The following PDZD2 variants were observed in gnomAD, a reference collection of about 807,000 sequenced individuals.
The protein encoded by PDZD2 is PDZ domain containing 2.
PDZD2 carries 90 observed loss-of-function variants against 220.7 expected under a neutral mutation model. The observed-to-expected ratio is 0.41, with a 90% confidence interval of 0.34 to 0.49. The LOEUF (loss-of-function observed/expected upper bound fraction) is 0.49, where lower values mean the gene tolerates loss of function less well. Ranked by LOEUF, PDZD2 falls within the 20% of genes least tolerant of loss-of-function variation. The pLI, the probability that PDZD2 is intolerant of heterozygous loss-of-function variation, is 0.28. For synonymous variants in PDZD2, 1,375 were observed against 1,450.5 expected, an observed-to-expected ratio of 0.95 and a Z score of 1.18; for missense variants, 3,174 against 3,608.5, an observed-to-expected ratio of 0.88 and a Z score of 3.08.
In PDZD2 at chr5:32,089,857, G is replaced by C. The variant is rs376588745; in HGVS notation, c.6409G>C (p.Ala2137Pro). ...KSEIRLYRQV[A>P]ESSTSHPSSL... ...TGAAATCAGGCTCTATCGCCAGGTC[G>C]CAGAATCATCCACAAGTCATCCATC... The change falls in exon 20 of 25, where the codon GCA (alanine) becomes CCA (proline). Residue 2137 changes from alanine (A) to proline (P), a missense_variant. Ala to Pro is a conservative substitution (Grantham distance 27). Transcript: ENST00000438447. 2 of 1,612,976 alleles carry C rather than the reference G, an allele frequency of 1.2e-6. No individual in the cohort carries two copies. Among genetic ancestry groups the C allele is most frequent in the African/African-American group, 2.7e-5 (2 of 75,048 alleles).
intron 1 of PDZD2, among the ~76,000 whole-genome samples, chr5:31,755,191 A>G (rs1421412835): frequency 7.4e-6 from 1 of 134,352 alleles, no homozygotes; most frequent in Non-Finnish European, 1.6e-5. Context: ...CTGGTTCCCC[A>G]CCGATGACAA....
At position 31,799,241 on chromosome 5, in the gene PDZD2, T is replaced by C. The variant is rs1271558344; in HGVS notation, c.-8T>C. 6.4e-7 allele frequency: 1 copy of C among 1,566,306 alleles called. No individual in the cohort carries two copies. Among genetic ancestry groups the C allele is most frequent in the Non-Finnish European group, 8.7e-7 (1 of 1,149,020 alleles). ...CTCTGATGATGCTGGTGTCTGGGAGTGAGCACCATGCCCATCACCCAGGAC... is the reference window on the plus strand; with the variant it reads ...CTCTGATGATGCTGGTGTCTGGGAGCGAGCACCATGCCCATCACCCAGGAC... On this transcript the variant is annotated 5_prime_UTR_variant, in exon 2 of 25. It removes the in-frame stop codon of an upstream open reading frame in the 5' UTR. Transcript: ENST00000438447.
intron 1 of PDZD2, among the ~76,000 whole-genome samples, chr5:31,696,427 C>A (rs533144562): frequency 2.8e-4 from 42 of 152,112 alleles, no homozygotes; most frequent in African/African-American, 9.2e-4. Flanking sequence ...GCCTCTTCAG[C>A]TGGGACTACA....
chr5:31,868,307 T>C, intron 2 of PDZD2, among the ~76,000 whole-genome samples: 1 of 152,134 alleles, frequency 6.6e-6, no homozygotes, highest in South Asian at 2.1e-4. Context: ...TAGCTGGGTG[T>C]GCTGGCGTGT....
intron 1 of PDZD2, among the ~76,000 whole-genome samples, chr5:31,777,561 A>G (rs890509714): frequency 1.1e-4 from 16 of 152,252 alleles, no homozygotes; most frequent in Non-Finnish European, 7.3e-5. Context: ...GGGATCCACT[A>G]GATGAAGCCA....
chr5:31,971,283 C>G (rs1193401263), intron 2 of PDZD2, among the ~76,000 whole-genome samples: 1 of 152,226 alleles, frequency 6.6e-6, no homozygotes, highest in Non-Finnish European at 1.5e-5. Context: ...CCTTGTTGCT[C>G]CATCCTCCAG....
At chr5:32,056,602 T>C (rs1411976511) in intron 10 of PDZD2, among the ~76,000 whole-genome samples, 1 of 152,156 alleles carries the variant, frequency 6.6e-6, no homozygotes, top group Non-Finnish European at 1.5e-5. Flanking sequence ...GCAGACGCTA[T>C]CAACAGCTTG....
Position 32,087,529 on chromosome 5 carries a change from G to C in PDZD2, c.4081G>C (p.Ala1361Pro), listed in dbSNP as rs749431984. The change falls in exon 20 of 25, where the codon GCT (alanine) becomes CCT (proline). Residue 1361 changes from alanine (A) to proline (P), a missense_variant. Ala to Pro is a conservative substitution (Grantham distance 27). Coordinates refer to ENST00000438447, the MANE Select transcript of PDZD2 (RefSeq NM_178140.4). The surrounding 1 kb of genome is among the most constrained non-coding windows in gnomAD (Gnocchi z 4.0). Reference protein sequence around the residue: ...RQGAPGNHSKALEMTGIHAPE... With the variant: ...RQGAPGNHSKPLEMTGIHAPE... ...GGGAGCTCCAGGTAACCACAGTAAG[G>C]CTCTGGAAATGACAGGAATCCATGC... The C allele has an allele frequency of 6.2e-7, 1 of 1,613,496 alleles. No individual in the cohort carries two copies. Among genetic ancestry groups the C allele is most frequent in the Non-Finnish European group, 8.5e-7 (1 of 1,179,772 alleles).
chr5:31,756,644 T>C (rs765263346), intron 1 of PDZD2, among the ~76,000 whole-genome samples: 5 of 152,148 alleles, frequency 3.3e-5, no homozygotes, highest in Non-Finnish European at 5.9e-5. Flanking sequence ...AACAGGGGGA[T>C]GAACATAGGA....
chr5:31,796,911 T>G (rs566707534), intron 1 of PDZD2, among the ~76,000 whole-genome samples: 1 of 150,334 alleles, frequency 6.7e-6, no homozygotes, highest in East Asian at 1.9e-4. Context: ...ACGGGGTTTT[T>G]TTTGTTTGTT....
chr5:31,652,395 G>A (rs1195444577), intron 1 of PDZD2, among the ~76,000 whole-genome samples: 3 of 152,208 alleles, frequency 2.0e-5, no homozygotes, highest in Non-Finnish European at 4.4e-5. Flanking sequence ...GCAGATAGGA[G>A]ATGGGTGCTT....
chr5:31,656,553 G>A (rs1745557698), intron 1 of PDZD2, among the ~76,000 whole-genome samples: 1 of 152,134 alleles, frequency 6.6e-6, no homozygotes, highest in Non-Finnish European at 1.5e-5. Context: ...CAGCGTCTAA[G>A]CACCATTGCC....
chr5:31,721,984 T>A (rs1748829910), intron 1 of PDZD2, among the ~76,000 whole-genome samples: 1 of 151,848 alleles, frequency 6.6e-6, no homozygotes, highest in Non-Finnish European at 1.5e-5. Context: ...CCTCCCTCTC[T>A]CACCCCACAA....
At chr5:32,080,769 G>C (rs1321675654) in intron 19 of PDZD2, among the ~76,000 whole-genome samples, 1 of 152,132 alleles carries the variant, frequency 6.6e-6, no homozygotes, top group Non-Finnish European at 1.5e-5. Flanking sequence ...GTCCTTTGCA[G>C]GGACAAGAAT....
rs1158612327 is a variant in PDZD2, at chr5:32,089,878, C to T, written c.6430C>T (p.Pro2144Ser). Residue 2144 changes from proline (P) to serine (S), a missense_variant, in exon 20 of 25, where the codon CCA becomes TCA. Transcript: ENST00000438447. ...RQVAESSTSH[P>S]SSLPSHASQA... ...GGTCGCAGAATCATCCACAAGTCATCCATCCTCACTCCCATCTCATGCCTC... is the reference window on the plus strand; with the variant it reads ...GGTCGCAGAATCATCCACAAGTCATTCATCCTCACTCCCATCTCATGCCTC... 1 of 1,613,142 alleles carries T rather than the reference C, an allele frequency of 6.2e-7. No individual in the cohort carries two copies. Among genetic ancestry groups the T allele is most frequent in the South Asian group, 1.1e-5 (1 of 91,014 alleles).
intron 2 of PDZD2, among the ~76,000 whole-genome samples, chr5:31,884,984 G>A (rs1403157491): frequency 4.6e-5 from 7 of 151,874 alleles, no homozygotes; most frequent in Admixed American, 1.3e-4. Context: ...ATTGTTTGTG[G>A]GACGATGCCA....
intron 1 of PDZD2, among the ~76,000 whole-genome samples, chr5:31,767,801 G>C (rs1752115056): frequency 6.6e-6 from 1 of 152,200 alleles, no homozygotes; most frequent in African/African-American, 2.4e-5. Flanking sequence ...CCTGTCCCTA[G>C]TCTCTCCTTG....
chr5:31,726,781 A>G (rs571976817), intron 1 of PDZD2, among the ~76,000 whole-genome samples: 4 of 152,160 alleles, frequency 2.6e-5, no homozygotes, highest in Admixed American at 1.3e-4. Context: ...CCAGAAAGCT[A>G]TCTACCATTC....
rs1157472357 is a variant in PDZD2, at chr5:32,088,755, A to G, written c.5307A>G (p.Glu1769=). The G allele has an allele frequency of 1.2e-6, 2 of 1,613,982 alleles. No homozygotes were observed. Among genetic ancestry groups the G allele is most frequent in the Non-Finnish European group, 1.7e-6 (2 of 1,179,978 alleles). The part of the protein sequence containing the change: ...SFSVDVPKNG[E]SVLENLHISE... The stretch of plus-strand genomic sequence containing the variant: ...GTGTGGATGTCCCTAAGAATGGAGA[A>G]TCTGTTTTGGAAAACCTCCACATCT... Residue 1769 remains glutamate (E), a synonymous_variant, in exon 20 of 25, where the codon GAA becomes GAG. Coordinates refer to ENST00000438447, the MANE Select transcript of PDZD2 (RefSeq NM_178140.4). This position sits in a 1 kb window ranked among gnomAD's most constrained non-coding sequence, Gnocchi z 4.6.
Sources: allele counts gnomAD v4.1 joint callset (sites outside exome capture counted in the v4.1 genomes callset), GRCh38; gene constraint gnomAD v4.1.1; non-coding constraint Gnocchi (gnomAD v3.1); transcripts MANE v1.5; gene names NCBI Gene and HGNC (gene_info 2026-07-23, HGNC 2026-07-21).